The following NPR2 variants were observed in gnomAD, a reference collection of about 807,000 sequenced individuals.
NPR2 encodes atrial natriuretic peptide receptor 2.
Under a neutral mutation model 120.7 loss-of-function variants are expected in NPR2, and 49 were observed. That is an observed-to-expected ratio of 0.41 (90% CI 0.32 to 0.52). The LOEUF is 0.52. Ranked by LOEUF, NPR2 falls within the 20% of genes least tolerant of loss-of-function variation. The probability of loss-of-function intolerance (pLI) is 0.36; values close to 1 mark genes in which losing one functional copy is unlikely to be tolerated. For synonymous variants in NPR2, 484 were observed against 519.8 expected, an observed-to-expected ratio of 0.93 and a Z score of 0.94; for missense variants, 931 against 1,362.9, an observed-to-expected ratio of 0.68 and a Z score of 4.99.
In NPR2 at chr9:35,802,562, C is replaced by T. The variant is rs780366621; in HGVS notation, c.1770C>T (p.Pro590=). The T allele has an allele frequency of 3.1e-6, 5 of 1,608,636 alleles. No homozygotes were observed. Among genetic ancestry groups the T allele is most frequent in the South Asian group, 1.1e-5 (1 of 90,986 alleles). ...TRFIGACIDP[P]NICIVTEYCP... The stretch of plus-strand genomic sequence containing the variant: ...TCATTGGCGCCTGCATAGACCCTCC[C>T]AACATTTGCATTGTCACTGAATACT... The change falls in exon 11 of 22, where the codon CCC becomes CCT. Residue 590 remains proline (P), a synonymous_variant. Coordinates refer to ENST00000342694, the MANE Select transcript of NPR2 (RefSeq NM_003995.4). The surrounding 1 kb of genome is among the most constrained non-coding windows in gnomAD (Gnocchi z 4.2).
At chr9:35,794,288 T>G (rs2132069269) in intron 2 of NPR2, among the ~76,000 whole-genome samples, 185 bp downstream of exon 2, 1 of 152,378 alleles carries the variant, frequency 6.6e-6, no homozygotes, top group South Asian at 2.1e-4. Flanking sequence ...TGACTCTTAG[T>G]GTGCTTGCTG....
At position 35,809,598 on chromosome 9, in the gene NPR2, G is replaced by T; in HGVS notation, c.*153G>T. On this transcript the variant is annotated 3_prime_UTR_variant, in exon 22 of 22. Coordinates refer to ENST00000342694, the MANE Select transcript of NPR2 (RefSeq NM_003995.4). The surrounding 1 kb of genome is among the most constrained non-coding windows in gnomAD (Gnocchi z 4.1). ...CCTTATATGGAAGTTGTAGCCCTCT[G>T]CAGCTCAGCCCTGTACATATACCTG... 7.7e-7 allele frequency: 1 copy of T among 1,297,454 alleles called. No individual in the cohort carries two copies. The allele number at this position is 1,297,454 out of a possible 1,614,324, so 80.4% of individuals were successfully genotyped here.
In NPR2 at chr9:35,794,018, G is replaced by C. The variant is rs139036657; in HGVS notation, c.788G>C (p.Arg263Pro). ...FYLDVFGESL[R>P]AGPTRATGRP... Reference sequence around the variant, plus strand: ...CTGGATGTCTTTGGGGAGAGTCTCCGTGCAGGCCCCACACGTGCTACAGGC... The same window carrying C: ...CTGGATGTCTTTGGGGAGAGTCTCCCTGCAGGCCCCACACGTGCTACAGGC... The change falls in exon 2 of 22, where the codon CGT (arginine) becomes CCT (proline). Residue 263 changes from arginine (R) to proline (P), a missense_variant. Physicochemically the swap from Arg to Pro is moderately radical, Grantham distance 103. Coordinates refer to ENST00000342694, the MANE Select transcript of NPR2 (RefSeq NM_003995.4). The C allele has an allele frequency of 6.2e-7, 1 of 1,614,056 alleles. No individual in the cohort carries two copies. Among genetic ancestry groups the C allele is most frequent in the East Asian group, 2.2e-5 (1 of 44,894 alleles).
In NPR2 at chr9:35,808,702, C is replaced by T; in HGVS notation, c.2887+19C>T. The T allele has an allele frequency of 1.2e-6, 2 of 1,612,640 alleles. No homozygotes were observed. Among genetic ancestry groups the T allele is most frequent in the Non-Finnish European group, 1.7e-6 (2 of 1,178,580 alleles). On this transcript the variant is annotated intron_variant, in intron 19 of 21. Transcript: ENST00000342694. This position sits in a 1 kb window ranked among gnomAD's most constrained non-coding sequence, Gnocchi z 4.0. ...CATACTGGTAAGGCTGACTCTCACTCCAGCCCTAGTCTCCACCTTTCCCAG... is the reference window on the plus strand; with the variant it reads ...CATACTGGTAAGGCTGACTCTCACTTCAGCCCTAGTCTCCACCTTTCCCAG...
intron 3 of NPR2, 120 bp downstream of exon 3, chr9:35,799,851 G>T (rs1205756923): frequency 1.4e-6 from 2 of 1,383,940 alleles, no homozygotes; most frequent in African/African-American, 2.8e-5. Flanking sequence ...CTCCGCTTCT[G>T]TCCAGGATTT....
chr9:35,802,815 C>T lies in NPR2; in HGVS notation c.1887+12C>T, dbSNP rs112433586. The T allele has an allele frequency of 1.3e-6, 2 of 1,566,754 alleles. No homozygotes were observed. The highest frequency in any genetic ancestry group is 2.7e-5 in the African/African-American group (2 of 74,000). ...ATGACCTTGTTAAGGTGAGTCTTCC[C>T]CACTCCTTAAAAGTTCATCCACTTT... is the stretch of plus-strand genomic sequence containing the variant. On this transcript the variant is annotated intron_variant, in intron 12 of 21. Transcript: ENST00000342694. The surrounding 1 kb of genome is among the most constrained non-coding windows in gnomAD (Gnocchi z 4.2).
rs1828128225 is a variant in NPR2 at position 35,800,969 on chromosome 9, C to A, written c.1352-101C>A. The A allele has an allele frequency of 2.0e-6, 3 of 1,532,568 alleles. No homozygotes were observed. Among genetic ancestry groups the A allele is most frequent in the Non-Finnish European group, 2.7e-6 (3 of 1,105,782 alleles). 94.9% of individuals were successfully genotyped at this position (1,532,568 alleles called of 1,614,324 possible). On this transcript the variant is annotated intron_variant, in intron 6 of 21. Coordinates refer to ENST00000342694, the MANE Select transcript of NPR2 (RefSeq NM_003995.4). This position sits in a 1 kb window ranked among gnomAD's most constrained non-coding sequence, Gnocchi z 4.7. Reference sequence around the variant, plus strand: ...CGTCTGCATCCCTCCCTCCTCATTTCTTCCTACTCCCAAGGAGTCTGTCTA... The same window carrying A: ...CGTCTGCATCCCTCCCTCCTCATTTATTCCTACTCCCAAGGAGTCTGTCTA...
In NPR2 at chr9:35,808,624, C is replaced by T; in HGVS notation, c.2828C>T (p.Ser943Phe). The T allele has an allele frequency of 6.2e-7, 1 of 1,614,174 alleles. No individual in the cohort carries two copies. ...CTAGCATTACTAGATGCAGTTTCTT[C>T]CTTTCGCATCCGCCACCGACCCCAT... ...MALALLDAVS[S>F]FRIRHRPHDQ... is the part of the protein sequence containing the mutation. Residue 943 changes from serine to phenylalanine, a missense_variant, in exon 19 of 22, where the codon TCC (serine) becomes TTC (phenylalanine). Physicochemically the swap from Ser to Phe is radical, Grantham distance 155 (BLOSUM62 -2). Transcript: ENST00000342694. This position sits in a 1 kb window ranked among gnomAD's most constrained non-coding sequence, Gnocchi z 4.0.
intron 8 of NPR2, 31 bp downstream of exon 8, chr9:35,801,794 T>C: frequency 6.2e-7 from 1 of 1,614,036 alleles, no homozygotes; most frequent in Non-Finnish European, 8.5e-7. Flanking sequence ...TTCCTCTGCC[T>C]CCCTCTGAGT....
At position 35,802,371 on chromosome 9, in the gene NPR2, G is replaced by A; in HGVS notation, c.1710+88G>A. The A allele has an allele frequency of 1.0e-6, 1 of 991,718 alleles. No homozygotes were observed. Among genetic ancestry groups the A allele is most frequent in the Admixed American group, 1.7e-5 (1 of 58,550 alleles). The allele number at this position is 991,718 out of a possible 1,614,324, so 61.4% of individuals were successfully genotyped here. ...AGTAAAATTGGCTAGATGGGCAAGG[G>A]GTTGATTTATAAATGATTTTAAAAT... is the stretch of plus-strand genomic sequence containing the variant. On this transcript the variant is annotated intron_variant, in intron 10 of 21. Coordinates refer to ENST00000342694, the MANE Select transcript of NPR2 (RefSeq NM_003995.4). The surrounding 1 kb of genome is among the most constrained non-coding windows in gnomAD (Gnocchi z 4.2).
chr9:35,808,921 C>A lies in NPR2; in HGVS notation c.2986+68C>A. The A allele has an allele frequency of 9.2e-7, 1 of 1,082,844 alleles. No individual in the cohort carries two copies. Among genetic ancestry groups the A allele is most frequent in the Non-Finnish European group, 1.4e-6 (1 of 695,986 alleles). The allele number at this position is 1,082,844 out of a possible 1,614,324, so 67.1% of individuals were successfully genotyped here. A position where few individuals can be genotyped will look rare whatever the true frequency, so the allele number is the denominator to read the frequency against. On this transcript the variant is annotated intron_variant, in intron 20 of 21. Coordinates refer to ENST00000342694, the MANE Select transcript of NPR2 (RefSeq NM_003995.4). This position sits in a 1 kb window ranked among gnomAD's most constrained non-coding sequence, Gnocchi z 4.0. ...CTTGCCCTTTTCTTCTTTTCATAAT[C>A]CCTCCAATTTCTTAATCTGAGAGAC...
At position 35,802,338 on chromosome 9, in the gene NPR2, T is replaced by C. The variant is rs1828201759; in HGVS notation, c.1710+55T>C. 8.8e-7 allele frequency: 1 copy of C among 1,142,014 alleles called. No homozygotes were observed. The highest frequency in any genetic ancestry group is 1.3e-6 in the Non-Finnish European group (1 of 753,188). The allele number at this position is 1,142,014 out of a possible 1,614,324, so 70.7% of individuals were successfully genotyped here. On this transcript the variant is annotated intron_variant, in intron 10 of 21. Coordinates refer to ENST00000342694, the MANE Select transcript of NPR2 (RefSeq NM_003995.4). The surrounding 1 kb of genome is among the most constrained non-coding windows in gnomAD (Gnocchi z 4.2). ...TATGTAATGGAGGAGTGGGGAAAAC[T>C]ATGAAATAGTAAAATTGGCTAGATG... is the stretch of plus-strand genomic sequence containing the variant.
In NPR2 at chr9:35,802,228, A is replaced by G. The variant is rs960638155; in HGVS notation, c.1655A>G (p.His552Arg). The part of the protein sequence containing the change: ...HFKGNVVAIK[H>R]VNKKRIELTR... Reference sequence around the variant, plus strand: ...CAGGGAAATGTTGTCGCCATCAAACATGTGAATAAGAAGCGCATTGAGCTG... The same window carrying G: ...CAGGGAAATGTTGTCGCCATCAAACGTGTGAATAAGAAGCGCATTGAGCTG... The change falls in exon 10 of 22, where the codon CAT (histidine) becomes CGT (arginine). Residue 552 changes from histidine to arginine, a missense_variant. Transcript: ENST00000342694. The surrounding 1 kb of genome is among the most constrained non-coding windows in gnomAD (Gnocchi z 4.2). 5.1e-5 allele frequency: 82 copies of G among 1,608,530 alleles called. No individual in the cohort carries two copies. Among genetic ancestry groups the G allele is most frequent in the Non-Finnish European group, 6.7e-5 (79 of 1,175,106 alleles).
Position 35,792,634 on chromosome 9 carries a change from T to A in NPR2, c.226T>A (p.Ser76Thr), listed in dbSNP as rs796065355. Residue 76 changes from serine (S) to threonine (T), a missense_variant, in exon 1 of 22, where the codon TCT (serine) becomes ACT (threonine). This residue lies in a region of NPR2 where 681 missense variants were observed against 974.3 expected (regional missense o/e 0.70). Coordinates refer to ENST00000342694, the MANE Select transcript of NPR2 (RefSeq NM_003995.4). ...FVSSELEGAC[S>T]EYLAPLSAVD... Reference sequence around the variant, plus strand: ...CAGCTCCGAACTGGAAGGCGCCTGCTCTGAGTACCTGGCACCGCTGAGCGC... The same window carrying A: ...CAGCTCCGAACTGGAAGGCGCCTGCACTGAGTACCTGGCACCGCTGAGCGC... 3.1e-6 allele frequency: 5 copies of A among 1,613,918 alleles called. No homozygotes were observed. Among genetic ancestry groups the A allele is most frequent in the Non-Finnish European group, 4.2e-6 (5 of 1,180,042 alleles).
In NPR2 at chr9:35,807,963, G is replaced by A. The variant is rs1187817583; in HGVS notation, c.2713-546G>A. 5.3e-6 allele frequency: 3 copies of A among 570,386 alleles called. No individual in the cohort carries two copies. In the Admixed American group the frequency reaches 9.7e-5, roughly 18 times the overall value. 35.3% of individuals were successfully genotyped at this position (570,386 alleles called of 1,614,324 possible). On this transcript the variant is annotated intron_variant, in intron 18 of 21. Coordinates refer to ENST00000342694, the MANE Select transcript of NPR2 (RefSeq NM_003995.4). The stretch of plus-strand genomic sequence containing the variant: ...GTATGGAAAGTACCTAACATTGTTT[G>A]GCATGTGGCAGACTACTATTTAGGG...
chr9:35,804,943 C>T (rs1166005889), intron 12 of NPR2, among the ~76,000 whole-genome samples: 23 of 59,012 alleles, frequency 3.9e-4, no homozygotes, highest in South Asian at 1.1e-3. Context: ...CTACCCCGAC[C>T]TGCCCACCTC....
In NPR2 at chr9:35,802,192, A is replaced by C. The variant is rs1445363775; in HGVS notation, c.1633-14A>C. 6.4e-7 allele frequency: 1 copy of C among 1,559,958 alleles called. No individual in the cohort carries two copies. On this transcript the variant is annotated splice_polypyrimidine_tract_variant and intron_variant, in intron 9 of 21. Coordinates refer to ENST00000342694, the MANE Select transcript of NPR2 (RefSeq NM_003995.4). This position sits in a 1 kb window ranked among gnomAD's most constrained non-coding sequence, Gnocchi z 4.2. ...GATATTCACTTTCCTTTCCCCTTTC[A>C]CTCCCACCATCAGGGAAATGTTGTC...
At position 35,808,660 on chromosome 9, in the gene NPR2, G is replaced by C; in HGVS notation, c.2864G>C (p.Arg955Thr). 3 of 1,614,072 alleles carry C rather than the reference G, an allele frequency of 1.9e-6. No homozygotes were observed. The highest frequency in any genetic ancestry group is 1.7e-6 in the Non-Finnish European group (2 of 1,180,006). Residue 955 changes from arginine to threonine, a missense_variant, in exon 19 of 22, where the codon AGG (arginine) becomes ACG (threonine). By Grantham distance (71) the Arg-to-Thr change is moderately conservative (BLOSUM62 -1). Coordinates refer to ENST00000342694, the MANE Select transcript of NPR2 (RefSeq NM_003995.4). The surrounding 1 kb of genome is among the most constrained non-coding windows in gnomAD (Gnocchi z 4.0). ...CGCCACCGACCCCATGACCAGCTGA[G>C]GCTACGCATAGGGGTCCATACTGGT... ...RIRHRPHDQLRLRIGVHTGPV... is the reference protein window; with the variant it reads ...RIRHRPHDQLTLRIGVHTGPV...
At position 35,809,228 on chromosome 9, in the gene NPR2, G is replaced by A. The variant is rs770815149; in HGVS notation, c.3059G>A (p.Arg1020Gln). Residue 1020 changes from arginine to glutamine, a missense_variant, in exon 21 of 22, where the codon CGG becomes CAG. Physicochemically the swap from Arg to Gln is conservative, Grantham distance 43. Coordinates refer to ENST00000342694, the MANE Select transcript of NPR2 (RefSeq NM_003995.4). This position sits in a 1 kb window ranked among gnomAD's most constrained non-coding sequence, Gnocchi z 4.1. ...DELGCFQLEL[R>Q]GDVEMKGKGK... The stretch of plus-strand genomic sequence containing the variant: ...CTAGGATGCTTCCAGCTAGAGCTTC[G>A]GGGGGATGTGGAAATGAAGGTGATG... 3.1e-6 allele frequency: 5 copies of A among 1,613,852 alleles called. No individual in the cohort carries two copies. Among genetic ancestry groups the A allele is most frequent in the Non-Finnish European group, 4.2e-6 (5 of 1,179,904 alleles).
Sources: allele counts gnomAD v4.1 joint callset (sites outside exome capture counted in the v4.1 genomes callset), GRCh38; gene constraint gnomAD v4.1.1; regional missense constraint gnomAD v4.1.1; non-coding constraint Gnocchi (gnomAD v3.1); transcripts MANE v1.5; gene names NCBI Gene and HGNC (gene_info 2026-07-23, HGNC 2026-07-21).